Variants in CHLSN observed in about 807,000 individuals in gnomAD.
CHLSN encodes cholesin.
At chr7:1,026,661 A>T in the CHLSN span, 1 of 152,036 alleles carries the variant, frequency 6.6e-6, no homozygotes, top group Non-Finnish European at 1.5e-5. Flanking sequence ...TGAAAATCAC[A>T]TTATTAACGT....
chr7:1,050,655 C>G, the CHLSN span, among the ~76,000 whole-genome samples: 7 of 152,192 alleles, frequency 4.6e-5, no homozygotes, highest in Non-Finnish European at 7.4e-5. Context: ...ACGCCGCAGC[C>G]TAGGAAGCAT....
At chr7:995,916 C>A in the CHLSN span, among the ~76,000 whole-genome samples, 5 of 152,200 alleles carry the variant, frequency 3.3e-5, no homozygotes, top group Non-Finnish European at 7.4e-5. Flanking sequence ...CAAACAGCCT[C>A]ATCTCCTTCC....
At chr7:1,112,232 G>A in the CHLSN span, among the ~76,000 whole-genome samples, 3 of 152,298 alleles carry the variant, frequency 2.0e-5, no homozygotes, top group African/African-American at 7.2e-5. Flanking sequence ...GAATGAGGAT[G>A]GTCAGATCTC....
the CHLSN span, chr7:983,093 T>G: frequency 3.4e-4 from 292 of 860,416 alleles, no homozygotes; most frequent in Middle Eastern, 7.9e-4. Context: ...AACTGCTCGT[T>G]CCACATTCTC....
chr7:1,016,176 G>C, the CHLSN span, among the ~76,000 whole-genome samples: 950 of 77,544 alleles, frequency 0.012, 120 homozygotes, highest in Middle Eastern at 0.038. Context: ...GCAGCACACA[G>C]CAGCACACGC....
the CHLSN span, among the ~76,000 whole-genome samples, chr7:1,117,470 G>A: frequency 0.49 from 44,073 of 89,678 alleles, 9,987 homozygotes; most frequent in African/African-American, 0.68. Flanking sequence ...TGACATCACT[G>A]CAGTTCTACG....
the CHLSN span, chr7:987,607 G>A: frequency 2.2e-6 from 3 of 1,355,900 alleles, no homozygotes; most frequent in East Asian, 2.6e-5. Context: ...CACTGGGACG[G>A]CTGAGCGTCT....
At chr7:1,086,988 T>G in the CHLSN span, 1 of 152,240 alleles carries the variant, frequency 6.6e-6, no homozygotes, top group Non-Finnish European at 1.5e-5. Context: ...CCCTTCGGCC[T>G]GGACAGCCCA....
chr7:1,000,445 C>T, the CHLSN span: 44,803 of 1,509,536 alleles, frequency 0.03, 1,795 homozygotes, highest in African/African-American at 0.13. Context: ...CCCCAGGAGA[C>T]GTGCCTGCCC....
the CHLSN span, among the ~76,000 whole-genome samples, chr7:1,005,067 G>A: frequency 1.9e-3 from 282 of 152,316 alleles, no homozygotes; most frequent in Middle Eastern, 0.01. Flanking sequence ...GGCCGAGGGC[G>A]GATCACAAGG....
At chr7:1,009,987 G>A in the CHLSN span, 35 of 1,588,216 alleles carry the variant, frequency 2.2e-5, no homozygotes, top group Non-Finnish European at 2.5e-5. Flanking sequence ...GCCCCCGAGC[G>A]CCTGGCAGGC....
the CHLSN span, chr7:1,058,757 A>G: frequency 7.3e-3 from 4,077 of 556,618 alleles, 123 homozygotes; most frequent in African/African-American, 0.067. Context: ...ACGCAGCTCA[A>G]GGTCCACATC....
At chr7:1,054,508 C>T in the CHLSN span, among the ~76,000 whole-genome samples, 3 of 152,348 alleles carry the variant, frequency 2.0e-5, no homozygotes, top group African/African-American at 4.8e-5. Context: ...GCGAGTGGGA[C>T]GCACGTGAGC....
At chr7:1,069,183 T>C in the CHLSN span, among the ~76,000 whole-genome samples, 20 of 151,976 alleles carry the variant, frequency 1.3e-4, no homozygotes, top group Admixed American at 8.5e-4. Context: ...AATACAAAAT[T>C]AGCTGGGCGT....
chr7:1,113,418 GGCTGGTGCT>G, the CHLSN span, among the ~76,000 whole-genome samples: 7 of 152,194 alleles, frequency 4.6e-5, no homozygotes, highest in African/African-American at 1.7e-4. Flanking sequence ...GTTCTCTGCA[GGCTGGTGCT>G]GTTCCTGTTC....
chr7:1,136,289 TATATATAAAC>T, the CHLSN span, among the ~76,000 whole-genome samples: 57 of 116,916 alleles, frequency 4.9e-4, 1 homozygote, highest in Non-Finnish European at 6.4e-4. Flanking sequence ...TATATATAAA[TATATATAAAC>T]ATATATAAAT....
At chr7:1,124,296 A>T in the CHLSN span, among the ~76,000 whole-genome samples, 1 of 151,982 alleles carries the variant, frequency 6.6e-6, no homozygotes, top group African/African-American at 2.4e-5. Context: ...GCTGCCAGTG[A>T]CCAGCGGCCT....
At chr7:987,634 C>G in the CHLSN span, 1 of 1,132,602 alleles carries the variant, frequency 8.8e-7, no homozygotes, top group African/African-American at 1.6e-5. Flanking sequence ...TGCCTGATGG[C>G]CCAGCGCTCC....
the CHLSN span, chr7:1,000,416 G>A: frequency 7.9e-6 from 9 of 1,146,304 alleles, no homozygotes; most frequent in South Asian, 1.8e-5. Flanking sequence ...TGCCTGCCCC[G>A]CCGTGCACAG....
Sources: gnomAD v4.1 joint callset for allele counts (sites outside exome capture counted in the v4.1 genomes callset) on GRCh38, gnomAD v4.1.1 for gene constraint, MANE v1.5 for transcripts, NCBI Gene and HGNC (gene_info 2026-07-23, HGNC 2026-07-21) for gene names.